Variants in ABCB11 observed in about 807,000 individuals in gnomAD.
ABCB11 encodes ATP binding cassette subfamily B member 11.
ABCB11 carries 95 observed loss-of-function variants against 148.0 expected under a neutral mutation model. That is an observed-to-expected ratio of 0.64 (90% CI 0.54 to 0.76). The LOEUF is 0.76. Ranked by LOEUF, ABCB11 falls within the 30% of genes least tolerant of loss-of-function variation. The pLI, the probability that ABCB11 is intolerant of heterozygous loss-of-function variation, is 0.00. For synonymous variants in ABCB11, 591 were observed against 555.4 expected (o/e 1.06, Z -0.90); for missense variants, 1,523 against 1,617.8 (o/e 0.94, Z 1.01).
chr2:168,949,734 A>T (rs918523941), intron 19 of ABCB11, among the ~76,000 whole-genome samples: 1 of 151,502 alleles, frequency 6.6e-6, no homozygotes, highest in East Asian at 2.0e-4. Context: ...ACTGAGTGAC[A>T]ACTTGATTGA....
chr2:169,020,625 A>G (rs959985391), intron 1 of ABCB11, among the ~76,000 whole-genome samples: 1 of 152,166 alleles, frequency 6.6e-6, no homozygotes, highest in African/African-American at 2.4e-5. Context: ...AGACGGTCTC[A>G]AAAGACCACA....
chr2:168,983,974 A>C (rs1324829662), intron 10 of ABCB11, among the ~76,000 whole-genome samples: 1 of 152,148 alleles, frequency 6.6e-6, no homozygotes, highest in Non-Finnish European at 1.5e-5. Context: ...AGTGTAAATA[A>C]ATGCAAATAT....
intron 26 of ABCB11, among the ~76,000 whole-genome samples, chr2:168,926,390 GTTTTCTTCATTTTAACGTTA>G (rs1037827461): frequency 1.3e-5 from 2 of 152,110 alleles, no homozygotes; most frequent in African/African-American, 2.4e-5. Context: ...TATTAAGTGT[GTTTTCTTCATTTTAACGTTA>G]TTTTCTTGCA....
chr2:168,940,100 A>G (rs1274214749), intron 21 of ABCB11, among the ~76,000 whole-genome samples: 1 of 152,084 alleles, frequency 6.6e-6, no homozygotes, highest in Middle Eastern at 3.2e-3. Context: ...GCCAACTAAT[A>G]ACGCTACCTT....
At chr2:168,918,752 C>T (rs1188272996), downstream of ABCB11, among the ~76,000 whole-genome samples, 2 of 152,218 alleles carry the variant, frequency 1.3e-5, no homozygotes, top group African/African-American at 4.8e-5. Context: ...GAAAAGTGTG[C>T]TCACTTTTTG....
Position 169,013,487 on chromosome 2 carries a change from G to T in ABCB11, c.174C>A (p.Asp58Glu). The T allele has an allele frequency of 6.2e-7, 1 of 1,613,364 alleles. No homozygotes were observed. The highest frequency in any genetic ancestry group is 8.5e-7 in the Non-Finnish European group (1 of 1,179,522). The change falls in exon 5 of 28, where the codon GAC becomes GAA. Residue 58 changes from aspartate (D) to glutamate (E), a missense_variant. By Grantham distance (45) the Asp-to-Glu change is conservative (BLOSUM62 2). Transcript: ENST00000650372. ...AACTTCCCACAAACATCAGCCAAAT[G>T]TCAGTTGATGAAGAAAACCGAAACT... ...FQLFRFSSST[D>E]IWLMFVGSLC... is the part of the protein sequence containing the mutation.
chr2:168,983,198 T>C (rs1334713301), intron 10 of ABCB11, among the ~76,000 whole-genome samples: 1 of 152,194 alleles, frequency 6.6e-6, no homozygotes, highest in Admixed American at 6.5e-5. Flanking sequence ...TGTATACCTC[T>C]ATCCTCTCCT....
At chr2:168,938,802 T>G (rs1484597000) in intron 21 of ABCB11, among the ~76,000 whole-genome samples, 1 of 152,006 alleles carries the variant, frequency 6.6e-6, no homozygotes, top group African/African-American at 2.4e-5. Flanking sequence ...GTTATTTTGT[T>G]TCCTTTTACA....
chr2:168,973,448 A>G lies in ABCB11; in HGVS notation c.1434+267T>C, dbSNP rs182925429. Among the ~76,000 whole-genome samples, 527 of 152,176 alleles carry G rather than the reference A, an allele frequency of 3.5e-3. 4 individuals carry two copies. The highest frequency in any genetic ancestry group is 0.012 in the African/African-American group (489 of 41,546). On this transcript the variant is annotated intron_variant, in intron 13 of 27. Transcript: ENST00000650372. ...TTATGGAACCACCATCATATATGAAATCAATCACTGACTGAAATGTTGCTA... is the reference window on the plus strand; with the variant it reads ...TTATGGAACCACCATCATATATGAAGTCAATCACTGACTGAAATGTTGCTA...
intron 5 of ABCB11, among the ~76,000 whole-genome samples, chr2:169,012,816 G>A (rs184839113): frequency 1.8e-3 from 272 of 151,654 alleles, no homozygotes; most frequent in African/African-American, 6.3e-3. Flanking sequence ...TCAAAGTAAT[G>A]CAGCCTGTTC....
At chr2:169,003,618 G>T (rs1268874093) in intron 5 of ABCB11, among the ~76,000 whole-genome samples, 8 of 151,928 alleles carry the variant, frequency 5.3e-5, no homozygotes, top group African/African-American at 1.9e-4. Context: ...ATAGTAGTGG[G>T]ATTACTGGAT....
Position 168,921,038 on chromosome 2 carries a change from C to CCAAAA in ABCB11, c.*2579_*2583dup. ...ATGCTCTTGCTCTTTGAAATGCAAA[C>CCAAAA]CAAAACAAGAGCTTTAGTCTTTCAT... On this transcript the variant is annotated 3_prime_UTR_variant, in exon 28 of 28. Coordinates refer to ENST00000650372, the MANE Select transcript of ABCB11 (RefSeq NM_003742.4). 6.6e-6 allele frequency among the ~76,000 whole-genome samples: 1 copy of CCAAAA among 152,304 alleles called. No homozygotes were observed. Among genetic ancestry groups the CCAAAA allele is most frequent in the Middle Eastern group, 3.4e-3 (1 of 294 alleles).
chr2:168,967,502 T>G (rs1416204387), intron 17 of ABCB11, among the ~76,000 whole-genome samples: 1 of 151,982 alleles, frequency 6.6e-6, no homozygotes, highest in Non-Finnish European at 1.5e-5. Flanking sequence ...GCGTTTGAAC[T>G]ACTTGGAATT....
At chr2:169,019,508 C>T (rs1362420786) in intron 1 of ABCB11, among the ~76,000 whole-genome samples, 2 of 152,130 alleles carry the variant, frequency 1.3e-5, no homozygotes, top group African/African-American at 4.8e-5. Flanking sequence ...TCCAGGTATA[C>T]ACAAGTCCTA....
Position 169,011,935 on chromosome 2 carries a change from G to T in ABCB11, c.389+1337C>A, listed in dbSNP as rs1014541060. ...CTGTCTCACCCTCCCAGAGTGTTAC[G>T]ATTACAGGCATGAGCCACCATACCT... On this transcript the variant is annotated intron_variant, in intron 5 of 27. Transcript: ENST00000650372. Among the ~76,000 whole-genome samples, 3 of 152,106 alleles carry T rather than the reference G, an allele frequency of 2.0e-5. No individual in the cohort carries two copies. The South Asian group carries it at 6.2e-4, about 31-fold the overall frequency.
chr2:168,972,338 TAGAGA>T lies in ABCB11; in HGVS notation c.1435-293_1435-289del, dbSNP rs60323654. Among the ~76,000 whole-genome samples the T allele has an allele frequency of 0.57, 86,488 of 151,392 alleles. 24,935 individuals carry two copies. The highest frequency in any genetic ancestry group is 0.75 in the East Asian group (3,814 of 5,104). ...ACAAATTTTTGATTCCAGTAAAGAG[TAGAGA>T]CAGTTATTCACTACGTTTTAAATAT... On this transcript the variant is annotated intron_variant, in intron 13 of 27. Coordinates refer to ENST00000650372, the MANE Select transcript of ABCB11 (RefSeq NM_003742.4).
In ABCB11 at chr2:168,995,363, A is replaced by T; in HGVS notation, c.597T>A (p.Asn199Lys). ...WFDCNSVGEL[N>K]TRFSDDINKI... ...CAGCTACTTACTCAGAGAATCTTGT[A>T]TTCAGCTCCCCCACTGAATTGCAGT... The change falls in exon 7 of 28, where the codon AAT (asparagine) becomes AAA (lysine). Residue 199 changes from asparagine to lysine, a missense_variant. By Grantham distance (94) the Asn-to-Lys change is moderately conservative. Coordinates refer to ENST00000650372, the MANE Select transcript of ABCB11 (RefSeq NM_003742.4). The T allele has an allele frequency of 6.2e-7, 1 of 1,612,210 alleles. No individual in the cohort carries two copies. The highest frequency in any genetic ancestry group is 8.5e-7 in the Non-Finnish European group (1 of 1,178,810).
intron 5 of ABCB11, among the ~76,000 whole-genome samples, chr2:169,002,004 T>C (rs1020260941): frequency 2.6e-5 from 4 of 152,154 alleles, no homozygotes; most frequent in Admixed American, 6.5e-5. Flanking sequence ...AAGATCCAAC[T>C]ATGTACTGTC....
intron 5 of ABCB11, among the ~76,000 whole-genome samples, chr2:169,011,961 G>A (rs776925731): frequency 6.6e-6 from 1 of 152,100 alleles, no homozygotes; most frequent in Non-Finnish European, 1.5e-5. Context: ...CACCATACCT[G>A]GCTAGGACCA....
Sources: allele counts gnomAD v4.1 joint callset (sites outside exome capture counted in the v4.1 genomes callset), GRCh38; gene constraint gnomAD v4.1.1; transcripts MANE v1.5; gene names NCBI Gene and HGNC (gene_info 2026-07-23, HGNC 2026-07-21).